CEP68: variants seen among roughly 807,000 people sequenced by gnomAD.
CEP68 encodes centrosomal protein of 68 kDa.
In CEP68, 26 loss-of-function variants were observed where a neutral mutation model predicts 55.3. The ratio of observed to expected loss-of-function variants is 0.47; its 90% CI spans 0.34 to 0.65. The LOEUF is 0.65. Ranked by LOEUF, CEP68 falls within the 30% of genes least tolerant of loss-of-function variation. The pLI, the probability that CEP68 is intolerant of heterozygous loss-of-function variation, is 0.01. For missense variants in CEP68, 957 were observed against 946.7 expected (o/e 1.01, Z -0.14); for synonymous variants, 402 against 383.2 (o/e 1.05, Z -0.57).
At chr2:65,069,215 C>A (rs1292277996) in intron 1 of CEP68, among the ~76,000 whole-genome samples, 184 bp from the exon 2 acceptor site, 2 of 152,232 alleles carry the variant, frequency 1.3e-5, no homozygotes, top group East Asian at 1.9e-4. Context: ...GCTTCTGTGT[C>A]CCCTTTGGAA....
intron 6 of CEP68, 134 bp downstream of exon 6, chr2:65,082,843 T>C: frequency 1.4e-6 from 1 of 723,614 alleles, no homozygotes; most frequent in Non-Finnish European, 2.1e-6. Flanking sequence ...CCAATGGTAC[T>C]AAAAAAGGAG....
rs1479119987 is a variant in CEP68, at chr2:65,085,764, T to C, written c.*2130T>C. 6.6e-6 allele frequency: 1 copy of C among 152,066 alleles called. No homozygotes were observed. Among genetic ancestry groups the C allele is most frequent in the Non-Finnish European group, 1.5e-5 (1 of 68,076 alleles). 9.4% of individuals were successfully genotyped at this position (152,066 alleles called of 1,614,324 possible). On this transcript the variant is annotated 3_prime_UTR_variant, in exon 7 of 7. Coordinates refer to ENST00000377990, the MANE Select transcript of CEP68 (RefSeq NM_015147.3). ...AGGCGGAGCTTGCAGTGAGCTGAGATGGCACCACTGCACTCCAGCCTGGGC... is the reference window on the plus strand; with the variant it reads ...AGGCGGAGCTTGCAGTGAGCTGAGACGGCACCACTGCACTCCAGCCTGGGC...
At chr2:65,073,425 A>G (rs572315858) in intron 3 of CEP68, 25 of 280,440 alleles carry the variant, frequency 8.9e-5, no homozygotes, top group African/African-American at 5.3e-4. Flanking sequence ...CAGTGGTTTA[A>G]GTGCAAAGTT....
chr2:65,077,817 A>C (rs1261155545), intron 4 of CEP68, 51 bp from the exon 5 acceptor site: 1 of 1,412,582 alleles, frequency 7.1e-7, no homozygotes, highest in Non-Finnish European at 1.0e-6. Flanking sequence ...TAACGTTTAC[A>C]AAACAATAGT....
chr2:65,078,035 A>G (rs1018908899), intron 5 of CEP68, 71 bp downstream of exon 5: 14 of 1,142,700 alleles, frequency 1.2e-5, no homozygotes, highest in African/African-American at 4.6e-5. Flanking sequence ...GGACCGCACT[A>G]TCCCTGGTAA....
chr2:65,081,451 T>G (rs1414111094), intron 5 of CEP68, among the ~76,000 whole-genome samples: 1 of 144,078 alleles, frequency 6.9e-6, no homozygotes, highest in Admixed American at 7.0e-5. Flanking sequence ...GCTTCCTCTT[T>G]CCCTTCCTCT....
chr2:65,067,397 G>C (rs1056446835), intron 1 of CEP68, among the ~76,000 whole-genome samples: 2 of 152,016 alleles, frequency 1.3e-5, no homozygotes, highest in Admixed American at 6.6e-5. Context: ...GGGAACAAAA[G>C]TGGGGGAAGG....
At chr2:65,082,305 A>G (rs78945874) in intron 5 of CEP68, among the ~76,000 whole-genome samples, 15,723 of 152,258 alleles carry the variant, frequency 0.1, 1,109 homozygotes, top group South Asian at 0.19. Context: ...TTCAAAGTGG[A>G]GTCAGTGAGT....
intron 5 of CEP68, chr2:65,080,146 G>T: frequency 1.5e-6 from 1 of 683,416 alleles, no homozygotes; most frequent in Non-Finnish European, 1.8e-6. Flanking sequence ...AAAAAAAAAA[G>T]GCCTCTTAAA....
In CEP68 at chr2:65,084,700, CTAT is replaced by C. The variant is rs1668977681; in HGVS notation, c.*1072_*1074del. ...CACAGTAACAATGGAAACTAAAGTC[CTAT>C]TATTAATGTGACTTTTCTGCTTCAG... On this transcript the variant is annotated 3_prime_UTR_variant, in exon 7 of 7. Transcript: ENST00000377990. 1 of 152,100 alleles carries C rather than the reference CTAT, an allele frequency of 6.6e-6. No individual in the cohort carries two copies. Among genetic ancestry groups the C allele is most frequent in the Non-Finnish European group, 1.5e-5 (1 of 68,016 alleles). 9.4% of individuals were successfully genotyped at this position (152,100 alleles called of 1,614,324 possible).
At chr2:65,060,352 A>G (rs917483399) in intron 1 of CEP68, among the ~76,000 whole-genome samples, 2 of 152,226 alleles carry the variant, frequency 1.3e-5, no homozygotes, top group African/African-American at 4.8e-5. Flanking sequence ...ATGCTATGGT[A>G]CAGTGAGTGG....
At position 65,085,848 on chromosome 2, in the gene CEP68, G is replaced by GTA. The variant is rs1317451455; in HGVS notation, c.*2215_*2216dup. ...ATCAAGCTGAAATTGTTTCAGCCTA[G>GTA]TAAGATGCTGCCAGCAGCATTTCTA... On this transcript the variant is annotated 3_prime_UTR_variant, in exon 7 of 7. Coordinates refer to ENST00000377990, the MANE Select transcript of CEP68 (RefSeq NM_015147.3). 6.6e-6 allele frequency: 1 copy of GTA among 152,172 alleles called. No individual in the cohort carries two copies. Among genetic ancestry groups the GTA allele is most frequent in the African/African-American group, 2.4e-5 (1 of 41,422 alleles). 9.4% of individuals were successfully genotyped at this position (152,172 alleles called of 1,614,324 possible).
chr2:65,069,745 G>GCC lies in CEP68; in HGVS notation c.301_302insCC (p.Gly101AlafsTer36). 6.2e-7 allele frequency: 1 copy of GCC among 1,614,124 alleles called. No individual in the cohort carries two copies. The highest frequency in any genetic ancestry group is 8.5e-7 in the Non-Finnish European group (1 of 1,180,038). ...TGAGAGGTCTGAGCCTGCACTCAGTGGCCTGCCTCCTGCCACCATGGGGTC... is the reference window on the plus strand; with the variant it reads ...TGAGAGGTCTGAGCCTGCACTCAGTGCCGCCTGCCTCCTGCCACCATGGGGTC... On this transcript the variant is annotated frameshift_variant, in exon 2 of 7. Transcript: ENST00000377990. LOFTEE classifies it high-confidence loss of function.
chr2:65,073,091 C>G, intron 3 of CEP68, 111 bp downstream of exon 3: 1 of 1,148,140 alleles, frequency 8.7e-7, no homozygotes, highest in Non-Finnish European at 1.3e-6. Context: ...TTTTTATGTG[C>G]CAGGCATTGT....
Position 65,086,306 on chromosome 2 carries a change from C to G in CEP68, c.*2672C>G, listed in dbSNP as rs1669026323. 6.6e-6 allele frequency: 1 copy of G among 152,128 alleles called. No individual in the cohort carries two copies. Among genetic ancestry groups the G allele is most frequent in the African/African-American group, 2.4e-5 (1 of 41,414 alleles). The allele number at this position is 152,128 out of a possible 1,614,324, so 9.4% of individuals were successfully genotyped here. A position where few individuals can be genotyped will look rare whatever the true frequency, so the allele number is the denominator to read the frequency against. The stretch of plus-strand genomic sequence containing the variant: ...TATGTAAACTAATTTATGGCAGCAC[C>G]TTATATTTAGAACAAGTGGTAATTC... On this transcript the variant is annotated 3_prime_UTR_variant, in exon 7 of 7. Transcript: ENST00000377990.
rs548573057 is a variant in CEP68, at chr2:65,082,793, G to T, written c.*4+84G>T. ...ACTACTTAGAAGCTTGTTGAGCCAA[G>T]AACTATTATTTAAACAAATGAGATA... On this transcript the variant is annotated intron_variant, in intron 6 of 6. Transcript: ENST00000377990. The T allele has an allele frequency of 3.7e-4, 428 of 1,164,128 alleles. 2 individuals are homozygous for T. The Middle Eastern group carries it at 6.1e-3, about 17-fold the overall frequency. 72.1% of individuals were successfully genotyped at this position (1,164,128 alleles called of 1,614,324 possible). A position where few individuals can be genotyped will look rare whatever the true frequency, so the allele number is the denominator to read the frequency against.
chr2:65,077,565 C>A (rs1676823441), intron 4 of CEP68, among the ~76,000 whole-genome samples: 2 of 152,190 alleles, frequency 1.3e-5, no homozygotes, highest in African/African-American at 4.8e-5. Context: ...AAGAGAACCC[C>A]ATGAGGTGAG....
At chr2:65,058,523 T>TTTTTGTG in intron 1 of CEP68, among the ~76,000 whole-genome samples, 1 of 115,120 alleles carries the variant, frequency 8.7e-6, no homozygotes, top group Non-Finnish European at 1.8e-5. Flanking sequence ...TTTTTTTTTT[T>TTTTTGTG]GAGAGGGAGT....
At chr2:65,080,495 CCCAA>C (rs1676960283) in intron 5 of CEP68, 1 of 985,248 alleles carries the variant, frequency 1.0e-6, no homozygotes. Flanking sequence ...TTTATTTGGC[CCCAA>C]CCAAACATTC....
Sources: gnomAD v4.1 joint callset for allele counts (sites outside exome capture counted in the v4.1 genomes callset) on GRCh38, gnomAD v4.1.1 for gene constraint, MANE v1.5 for transcripts, NCBI Gene and HGNC (gene_info 2026-07-23, HGNC 2026-07-21) for gene names.